PDE1C: variants seen among roughly 807,000 people sequenced by gnomAD.
PDE1C encodes dual specificity calcium/calmodulin-dependent 3',5'-cyclic nucleotide phosphodiesterase 1C.
PDE1C carries 62 observed loss-of-function variants against 93.1 expected under a neutral mutation model. That is an observed-to-expected ratio of 0.67 (90% CI 0.54 to 0.82). The LOEUF is 0.82. Ranked by LOEUF, PDE1C falls within the 40% of genes least tolerant of loss-of-function variation. The pLI is 0.00. For synonymous variants in PDE1C, 325 were observed against 310.1 expected, an observed-to-expected ratio of 1.05 and a Z score of -0.50; for missense variants, 742 against 884.6, an observed-to-expected ratio of 0.84 and a Z score of 2.04.
At chr7:31,629,603 G>A in the PDE1C span, among the ~76,000 whole-genome samples, 5 of 152,278 alleles carry the variant, frequency 3.3e-5, no homozygotes, top group South Asian at 2.1e-4. Flanking sequence ...GAAGCAGTGC[G>A]AATTTTATCT....
At chr7:32,326,040 C>G (rs1783397014) in intron 1 of PDE1C, among the ~76,000 whole-genome samples, 1 of 151,228 alleles carries the variant, frequency 6.6e-6, no homozygotes, top group Non-Finnish European at 1.5e-5. Flanking sequence ...GCTGACAGTT[C>G]AAACACGGTT....
the PDE1C span, among the ~76,000 whole-genome samples, chr7:31,655,316 C>A: frequency 3.3e-5 from 5 of 152,116 alleles, no homozygotes; most frequent in South Asian, 8.3e-4. Context: ...CAGTCAATGA[C>A]CACACCAATG....
chr7:32,044,369 G>T (rs1457882515), intron 2 of PDE1C, among the ~76,000 whole-genome samples: 2 of 152,130 alleles, frequency 1.3e-5, no homozygotes, highest in African/African-American at 2.4e-5. Context: ...ATGGAACAAG[G>T]TAACAGACAA....
At chr7:31,968,142 T>G (rs1215862919) in intron 2 of PDE1C, among the ~76,000 whole-genome samples, 2 of 152,116 alleles carry the variant, frequency 1.3e-5, no homozygotes, top group Non-Finnish European at 2.9e-5. Flanking sequence ...TAAAGGGCAT[T>G]CAATTAGGAA....
chr7:31,824,804 A>G (rs1789455163), intron 13 of PDE1C, 63 bp downstream of exon 13: 1 of 1,582,858 alleles, frequency 6.3e-7, no homozygotes, highest in African/African-American at 1.4e-5. Context: ...CCCCAGCAAA[A>G]GAAGAATTCT....
At chr7:32,288,222 T>A (rs2128895729) in intron 1 of PDE1C, among the ~76,000 whole-genome samples, 1 of 152,300 alleles carries the variant, frequency 6.6e-6, no homozygotes, top group Non-Finnish European at 1.5e-5. Context: ...CTTCTTGGAG[T>A]AGCAGTTTCT....
chr7:31,884,216 A>T (rs1797607212), intron 2 of PDE1C, among the ~76,000 whole-genome samples: 1 of 152,180 alleles, frequency 6.6e-6, no homozygotes, highest in African/African-American at 2.4e-5. Context: ...ACAGAAAAAA[A>T]ATTCATGAAG....
chr7:31,997,387 A>C (rs1271437032), intron 2 of PDE1C, among the ~76,000 whole-genome samples: 2 of 152,174 alleles, frequency 1.3e-5, no homozygotes. Context: ...CCTCACCCCC[A>C]CTCACAATGG....
Position 31,870,470 on chromosome 7 carries a change from A to G in PDE1C, c.609+2822T>C, listed in dbSNP as rs567871106. 3.9e-4 allele frequency among the ~76,000 whole-genome samples: 59 copies of G among 152,172 alleles called. 1 individual carries two copies. The South Asian group carries it at 0.012, about 30-fold the overall frequency. ...CAAAAGGTCATCAGAGACTATTATG[A>G]ACAACTATGTACTAACAAACTGGAA... On this transcript the variant is annotated intron_variant, in intron 6 of 17. Transcript: ENST00000396191.
chr7:31,985,082 C>G (rs1783190207), intron 2 of PDE1C, among the ~76,000 whole-genome samples: 1 of 152,182 alleles, frequency 6.6e-6, no homozygotes, highest in African/African-American at 2.4e-5. Flanking sequence ...CCCTGGGAAT[C>G]TGCTATCCAG....
chr7:31,728,391 C>A, the PDE1C span, among the ~76,000 whole-genome samples: 2 of 152,186 alleles, frequency 1.3e-5, no homozygotes, highest in Admixed American at 6.5e-5. Context: ...AGACATGAAC[C>A]TGTTTCTTCC....
chr7:32,382,043 C>A (rs1429522735), intron 1 of PDE1C, among the ~76,000 whole-genome samples: 1 of 152,146 alleles, frequency 6.6e-6, no homozygotes, highest in East Asian at 1.9e-4. Context: ...ATTATCATTT[C>A]CATTTCACAG....
At chr7:31,831,502 A>ATG (rs368858814) in intron 11 of PDE1C, among the ~76,000 whole-genome samples, 4 of 150,872 alleles carry the variant, frequency 2.7e-5, no homozygotes, top group Admixed American at 6.6e-5. Flanking sequence ...ATGCACGCAC[A>ATG]CACACACACA....
At chr7:32,320,098 C>A (rs1034607839) in intron 1 of PDE1C, among the ~76,000 whole-genome samples, 4 of 152,138 alleles carry the variant, frequency 2.6e-5, no homozygotes, top group Non-Finnish European at 5.9e-5. Flanking sequence ...ACAGCAGTTC[C>A]CCACACTACC....
intron 1 of PDE1C, among the ~76,000 whole-genome samples, chr7:32,052,790 T>C (rs1793568663): frequency 6.6e-6 from 1 of 152,176 alleles, no homozygotes; most frequent in Admixed American, 6.5e-5. Context: ...GAACCTACAG[T>C]GTGGTCTTGA....
chr7:31,703,661 C>G, the PDE1C span, among the ~76,000 whole-genome samples: 4 of 152,196 alleles, frequency 2.6e-5, no homozygotes, highest in Admixed American at 1.3e-4. Flanking sequence ...AGGATAGAGC[C>G]TTCGGCAGAT....
intron 3 of PDE1C, among the ~76,000 whole-genome samples, chr7:32,089,138 C>G (rs1797306881): frequency 6.6e-6 from 1 of 152,158 alleles, no homozygotes; most frequent in African/African-American, 2.4e-5. Context: ...CGCAAAGTCT[C>G]TTCTTTCCCT....
At chr7:31,992,130 C>G (rs931601045) in intron 2 of PDE1C, among the ~76,000 whole-genome samples, 1 of 152,202 alleles carries the variant, frequency 6.6e-6, no homozygotes, top group African/African-American at 2.4e-5. Flanking sequence ...ATGCACCAGG[C>G]CCAAGCCCAG....
chr7:31,828,450 GC>G lies in PDE1C; in HGVS notation c.1204-78del, dbSNP rs1789969368. The G allele has an allele frequency of 5.6e-6, 5 of 892,554 alleles. No individual in the cohort carries two copies. The Admixed American group carries it at 8.2e-5, about 15-fold the overall frequency. 55.3% of individuals were successfully genotyped at this position (892,554 alleles called of 1,614,324 possible). A position where few individuals can be genotyped will look rare whatever the true frequency, so the allele number is the denominator to read the frequency against. ...CAGATTTCATTTAGCAACTTCTGCC[GC>G]CACGGAGGCCACTGGTCTTTATTTT... On this transcript the variant is annotated intron_variant, in intron 11 of 17. Transcript: ENST00000396191.
Sources: gnomAD v4.1 joint callset for allele counts (sites outside exome capture counted in the v4.1 genomes callset) on GRCh38, gnomAD v4.1.1 for gene constraint, MANE v1.5 for transcripts, NCBI Gene and HGNC (gene_info 2026-07-23, HGNC 2026-07-21) for gene names.